The following PREP variants were observed in gnomAD, a reference collection of about 807,000 sequenced individuals.
PREP encodes the protein dJ355L5.1 (prolyl endopeptidase).
In PREP, 29 loss-of-function variants were observed where a neutral mutation model predicts 87.6. That is an observed-to-expected ratio of 0.33 (90% CI 0.25 to 0.45). The LOEUF is 0.45. Among genes scored for constraint, PREP ranks in the 20% least tolerant of loss-of-function variants. The pLI is 1.00. For missense variants in PREP, 695 were observed against 886.5 expected (o/e 0.78, Z 2.74); for synonymous variants, 337 against 328.6 (o/e 1.03, Z -0.28).
chr6:105,286,219 G>T (rs764905821), intron 11 of PREP, among the ~76,000 whole-genome samples: 73 of 152,290 alleles, frequency 4.8e-4, no homozygotes, highest in Non-Finnish European at 6.9e-4. Context: ...CTCACAGGAG[G>T]ACCTGATAAT....
intron 10 of PREP, among the ~76,000 whole-genome samples, chr6:105,296,861 C>T (rs1770422448): frequency 6.6e-6 from 1 of 152,208 alleles, no homozygotes; most frequent in Non-Finnish European, 1.5e-5. Flanking sequence ...TTTTCAAGTT[C>T]CCTCTTTGCC....
intron 7 of PREP, among the ~76,000 whole-genome samples, chr6:105,350,736 C>T (rs1405209739): frequency 6.6e-6 from 1 of 152,148 alleles, no homozygotes; most frequent in African/African-American, 2.4e-5. Context: ...TGAATAACTG[C>T]AATTGTTGAG....
At chr6:105,334,738 C>CAACAACAACAACAACAACA (rs752810216) in intron 7 of PREP, among the ~76,000 whole-genome samples, 18 of 152,074 alleles carry the variant, frequency 1.2e-4, no homozygotes, top group African/African-American at 4.1e-4. Flanking sequence ...ACAACAACAA[C>CAACAACAACAACAACAACA]AGAGATGCGG....
At position 105,323,765 on chromosome 6, in the gene PREP, A is replaced by C. The variant is rs781095055; in HGVS notation, c.1217T>G (p.Ile406Ser). Residue 406 changes from isoleucine (I) to serine (S), a missense_variant, in exon 10 of 15, where the codon ATC becomes AGC. Ile to Ser is a moderately radical substitution (Grantham distance 142, BLOSUM62 -2). Transcript: ENST00000652536. The part of the protein sequence containing the change: ...YQFTSFLSPG[I>S]IYHCDLTKEE... ...TTTGGTAAGATCACAGTGATAAATGATACCTAAAAAGTAGAATAAGGCTTG... is the reference window on the plus strand; with the variant it reads ...TTTGGTAAGATCACAGTGATAAATGCTACCTAAAAAGTAGAATAAGGCTTG... The C allele has an allele frequency of 2.5e-6, 4 of 1,610,298 alleles. No homozygotes were observed. The highest frequency in any genetic ancestry group is 3.4e-6 in the Non-Finnish European group (4 of 1,176,580).
intron 2 of PREP, among the ~76,000 whole-genome samples, chr6:105,384,307 G>A (rs1006433063): frequency 6.6e-6 from 1 of 152,196 alleles, no homozygotes; most frequent in African/African-American, 2.4e-5. Context: ...GCAGGCTTGG[G>A]AGACTGAGTG....
At chr6:105,345,135 A>G (rs1327433777) in intron 7 of PREP, among the ~76,000 whole-genome samples, 1 of 152,256 alleles carries the variant, frequency 6.6e-6, no homozygotes, top group African/African-American at 2.4e-5. Context: ...ATCAAGAGAA[A>G]AGGTATTTCA....
intron 11 of PREP, 46 bp downstream of exon 11, chr6:105,288,712 A>G (rs917777685): frequency 1.8e-5 from 29 of 1,605,510 alleles, no homozygotes; most frequent in Non-Finnish European, 2.4e-5. Flanking sequence ...TTTCCACTAT[A>G]TGGAAAAGAT....
chr6:105,370,752 G>A (rs373233053), intron 5 of PREP, among the ~76,000 whole-genome samples: 2 of 152,198 alleles, frequency 1.3e-5, no homozygotes, highest in African/African-American at 2.4e-5. Flanking sequence ...ATCAGTAAGC[G>A]AAAAAAGCCA....
intron 2 of PREP, among the ~76,000 whole-genome samples, chr6:105,382,036 A>G (rs1414237066): frequency 1.3e-5 from 2 of 152,088 alleles, no homozygotes; most frequent in African/African-American, 2.4e-5. Context: ...CTGCAGTCCT[A>G]CGAAATAAGC....
At chr6:105,312,680 C>T (rs568794126) in intron 10 of PREP, among the ~76,000 whole-genome samples, 5 of 152,338 alleles carry the variant, frequency 3.3e-5, no homozygotes, top group South Asian at 4.1e-4. Context: ...CCTCTTTCCC[C>T]GTCTTCTGCT....
intron 7 of PREP, among the ~76,000 whole-genome samples, chr6:105,336,918 G>A (rs1771497538): frequency 6.6e-6 from 1 of 151,952 alleles, no homozygotes; most frequent in African/African-American, 2.4e-5. Flanking sequence ...CTTTGGCTGT[G>A]TCTGATTTCC....
intron 12 of PREP, among the ~76,000 whole-genome samples, chr6:105,284,592 A>G (rs1770150928): frequency 6.6e-6 from 1 of 152,166 alleles, no homozygotes; most frequent in Non-Finnish European, 1.5e-5. Context: ...AGGCCTTATG[A>G]TAAATGATGG....
intron 1 of PREP, among the ~76,000 whole-genome samples, chr6:105,400,968 CA>C (rs35828822): frequency 2.7e-5 from 4 of 150,120 alleles, no homozygotes; most frequent in East Asian, 2.0e-4. Context: ...AACCTTAATG[CA>C]AAAAAAAAGA....
chr6:105,352,827 T>C, intron 7 of PREP, 145 bp downstream of exon 7: 3 of 685,340 alleles, frequency 4.4e-6, no homozygotes, highest in South Asian at 2.2e-5. Context: ...TTTTATGGAA[T>C]AGTACTAAAA....
At chr6:105,324,831 G>A (rs998673432) in intron 9 of PREP, among the ~76,000 whole-genome samples, 1 of 152,208 alleles carries the variant, frequency 6.6e-6, no homozygotes, top group Non-Finnish European at 1.5e-5. Context: ...ATTTAGATCC[G>A]TGAACAGCAC....
At chr6:105,348,507 G>A (rs957302317) in intron 7 of PREP, among the ~76,000 whole-genome samples, 2 of 152,136 alleles carry the variant, frequency 1.3e-5, no homozygotes, top group African/African-American at 4.8e-5. Context: ...CACACAAAGT[G>A]CTTTTGTATG....
intron 1 of PREP, among the ~76,000 whole-genome samples, chr6:105,400,537 C>T (rs903749464): frequency 6.6e-6 from 1 of 152,158 alleles, no homozygotes. Context: ...TTGTCCCTTA[C>T]CCAACTGGTC....
chr6:105,375,647 T>G (rs1043083528), intron 4 of PREP, among the ~76,000 whole-genome samples: 1 of 152,264 alleles, frequency 6.6e-6, no homozygotes, highest in Non-Finnish European at 1.5e-5. Context: ...TACTTGTAAT[T>G]CTAACATGTT....
chr6:105,387,265 GT>G (rs1343622985), intron 2 of PREP, among the ~76,000 whole-genome samples: 1 of 152,032 alleles, frequency 6.6e-6, no homozygotes, highest in African/African-American at 2.4e-5. Flanking sequence ...AGTTATCGCA[GT>G]TCTTTAGATG....
Sources: gnomAD v4.1 joint callset for allele counts (sites outside exome capture counted in the v4.1 genomes callset) on GRCh38, gnomAD v4.1.1 for gene constraint, MANE v1.5 for transcripts, NCBI Gene and HGNC (gene_info 2026-07-23, HGNC 2026-07-21) for gene names.